CTNNA2: variants seen among roughly 807,000 people sequenced by gnomAD.
The protein encoded by CTNNA2 is catenin alpha 2, also known as catenin alpha-2.
In CTNNA2, 42 loss-of-function variants were observed where a neutral mutation model predicts 101.0. The observed-to-expected ratio is 0.42, with a 90% CI of 0.32 to 0.54. The LOEUF (loss-of-function observed/expected upper bound fraction) is 0.54. Ranked by LOEUF, CTNNA2 falls within the 20% of genes least tolerant of loss-of-function variation. The pLI is 0.14. For synonymous variants in CTNNA2, 450 were observed against 456.4 expected, an observed-to-expected ratio of 0.99 and a Z score of 0.18; for missense variants, 871 against 1,223.1, an observed-to-expected ratio of 0.71 and a Z score of 4.29.
chr2:79,652,804 A>C (rs776962510), intron 2 of CTNNA2, among the ~76,000 whole-genome samples: 1 of 152,132 alleles, frequency 6.6e-6, no homozygotes, highest in Non-Finnish European at 1.5e-5. Context: ...CCTTTATGCA[A>C]AACACATTAC....
chr2:80,112,114 A>C (rs1701250829), intron 7 of CTNNA2, among the ~76,000 whole-genome samples: 1 of 152,194 alleles, frequency 6.6e-6, no homozygotes, highest in Admixed American at 6.5e-5. Context: ...TTCAAATAAT[A>C]ATAAGGATTT....
chr2:79,893,593 A>G (rs1684455962), intron 6 of CTNNA2, among the ~76,000 whole-genome samples: 1 of 152,216 alleles, frequency 6.6e-6, no homozygotes, highest in East Asian at 1.9e-4. Flanking sequence ...CACACCCTTG[A>G]AAAAGTAAAT....
chr2:79,693,038 A>T (rs6711336), intron 2 of CTNNA2, among the ~76,000 whole-genome samples: 1 of 152,022 alleles, frequency 6.6e-6, no homozygotes, highest in South Asian at 2.1e-4. Flanking sequence ...AATAAAAATT[A>T]AAAAAATAAA....
intron 2 of CTNNA2, among the ~76,000 whole-genome samples, chr2:79,278,517 C>G (rs1675275396): frequency 1.1e-5 from 1 of 93,184 alleles, no homozygotes. Context: ...ATCCCCAAGC[C>G]CACGAAAAAA....
chr2:80,351,586 C>T (rs1375937171), intron 7 of CTNNA2, among the ~76,000 whole-genome samples: 7 of 152,068 alleles, frequency 4.6e-5, no homozygotes, highest in Non-Finnish European at 2.9e-5. Context: ...TTGTGCTGCT[C>T]GCTAACTGCC....
intron 1 of CTNNA2, among the ~76,000 whole-genome samples, chr2:79,529,099 A>G (rs968192779): frequency 6.6e-6 from 1 of 152,206 alleles, no homozygotes; most frequent in African/African-American, 2.4e-5. Flanking sequence ...AAATTAGGAA[A>G]TAGCATTCCA....
intron 1 of CTNNA2, among the ~76,000 whole-genome samples, chr2:79,528,017 G>T (rs564069081): frequency 3.3e-5 from 5 of 152,138 alleles, no homozygotes; most frequent in Non-Finnish European, 7.3e-5. Flanking sequence ...GTGAAACGTG[G>T]ATATCCTTGA....
chr2:80,229,561 C>CT (rs1257246655), intron 7 of CTNNA2, among the ~76,000 whole-genome samples: 4 of 152,182 alleles, frequency 2.6e-5, no homozygotes, highest in Non-Finnish European at 5.9e-5. Flanking sequence ...TCTAGGTGCA[C>CT]CATCCTCCCA....
chr2:80,629,715 C>T (rs975197778), intron 18 of CTNNA2, among the ~76,000 whole-genome samples: 1 of 152,234 alleles, frequency 6.6e-6, no homozygotes, highest in East Asian at 1.9e-4. Flanking sequence ...TAGTTATCCA[C>T]TGTAGGATGT....
chr2:79,911,656 T>C (rs2104333087), intron 7 of CTNNA2, among the ~76,000 whole-genome samples: 2 of 152,344 alleles, frequency 1.3e-5, no homozygotes, highest in South Asian at 4.1e-4. Flanking sequence ...ATTGAAATCT[T>C]AGTTTCTATT....
chr2:79,241,934 C>T (rs148518028), intron 2 of CTNNA2, among the ~76,000 whole-genome samples: 3,128 of 150,888 alleles, frequency 0.021, 93 homozygotes, highest in South Asian at 0.083. Flanking sequence ...GAGACAGAGT[C>T]TTGCTCAGTC....
intron 3 of CTNNA2, among the ~76,000 whole-genome samples, chr2:79,776,058 G>T (rs548765630): frequency 1.3e-5 from 2 of 152,248 alleles, no homozygotes; most frequent in South Asian, 4.1e-4. Flanking sequence ...ATGAGCTGCA[G>T]ACTTGGAAAT....
At chr2:79,770,973 A>T (rs146509708) in intron 3 of CTNNA2, among the ~76,000 whole-genome samples, 1 of 152,228 alleles carries the variant, frequency 6.6e-6, no homozygotes, top group Non-Finnish European at 1.5e-5. Flanking sequence ...GTTAGTGGCA[A>T]ATCAGGAATT....
rs555308675 is a variant in CTNNA2, at chr2:80,079,886, A to G, written c.1056+170089A>G. 7.8e-4 allele frequency among the ~76,000 whole-genome samples: 108 copies of G among 139,312 alleles called. 4 individuals carry two copies. In the South Asian group the frequency reaches 0.022, roughly 28 times the overall value. The allele number at this position is 139,312 out of a possible 152,430, so 91.4% of individuals were successfully genotyped here. ...ATAAAATAAAATAAAATAAAATAAT[A>G]AAATAAAATAAATAAAATAAAATAA... On this transcript the variant is annotated intron_variant, in intron 7 of 18. Transcript: ENST00000402739.
At chr2:80,230,660 TCTC>T (rs2149073154) in intron 7 of CTNNA2, among the ~76,000 whole-genome samples, 1 of 152,262 alleles carries the variant, frequency 6.6e-6, no homozygotes, top group East Asian at 1.9e-4. Flanking sequence ...TTTTCACTCT[TCTC>T]CTGGGCATTG....
intron 1 of CTNNA2, among the ~76,000 whole-genome samples, chr2:79,566,349 A>C (rs900687052): frequency 2.6e-5 from 4 of 152,220 alleles, no homozygotes; most frequent in Non-Finnish European, 2.9e-5. Context: ...GAGCAAAATA[A>C]ATAAAGGAAG....
intron 15 of CTNNA2, among the ~76,000 whole-genome samples, chr2:80,596,279 GTTTTTTTTTTTTTTTTTTTTTTTTTTTTT>G (rs60132060): frequency 0.026 from 904 of 35,320 alleles, 17 homozygotes; most frequent in Middle Eastern, 0.077. Flanking sequence ...AGACAAGGTT[GTTTTTTTTTTTTTTTTTTTTTTTTTTTTT>G]TTTTTTTTTT....
chr2:79,574,885 T>C (rs1389948473), intron 1 of CTNNA2, among the ~76,000 whole-genome samples: 1 of 152,222 alleles, frequency 6.6e-6, no homozygotes, highest in Non-Finnish European at 1.5e-5. Flanking sequence ...ATTTATTTTC[T>C]GACTTTGTAA....
chr2:80,360,272 T>A (rs1379726623), intron 7 of CTNNA2, among the ~76,000 whole-genome samples: 2 of 152,152 alleles, frequency 1.3e-5, no homozygotes, highest in African/African-American at 4.8e-5. Flanking sequence ...ACACAACTGA[T>A]CAAAACTATT....
Sources: gnomAD v4.1 joint callset for allele counts (sites outside exome capture counted in the v4.1 genomes callset) on GRCh38, gnomAD v4.1.1 for gene constraint, MANE v1.5 for transcripts, NCBI Gene and HGNC (gene_info 2026-07-23, HGNC 2026-07-21) for gene names.